DMD: variants seen among roughly 807,000 people sequenced by gnomAD.
The protein encoded by DMD is dystrophin.
A neutral mutation model predicts 330.1 loss-of-function variants in DMD; 63 were observed. That is an observed-to-expected ratio of 0.19 (90% CI 0.16 to 0.24). DMD has a LOEUF of 0.24. DMD is among the 10% of genes least tolerant of loss of function. The probability of loss-of-function intolerance (pLI) is 1.00; values close to 1 mark genes in which losing one functional copy is unlikely to be tolerated. For synonymous variants in DMD, 1,223 were observed against 959.8 expected (o/e 1.27, Z -5.07); for missense variants, 3,344 against 2,684.1 (o/e 1.25, Z -5.43).
In DMD at chrX:31,721,103, A is replaced by G. The variant is rs1216886337; in HGVS notation, c.7660+8528T>C. ...GAAATTCATTAAGATATTAAAGACC[A>G]TTTCTATTATTTAACGTATATTTCC... On this transcript the variant is annotated intron_variant, in intron 52 of 78. Transcript: ENST00000357033. 2.7e-5 allele frequency among the ~76,000 whole-genome samples: 3 copies of G among 111,416 alleles called. No homozygotes were observed. In the Admixed American group the frequency reaches 2.9e-4, roughly 11 times the overall value.
chrX:33,261,774 C>T (rs1351923435), intron 1 of DMD, among the ~76,000 whole-genome samples: 2 of 110,551 alleles, frequency 1.8e-5, no homozygotes, highest in African/African-American at 3.3e-5. Context: ...AGTAGACTAT[C>T]TGAATCTAGG....
intron 2 of DMD, among the ~76,000 whole-genome samples, chrX:32,992,456 T>C (rs2093002028): frequency 9.0e-6 from 1 of 111,671 alleles, no homozygotes; most frequent in African/African-American, 3.3e-5. Context: ...TTTCTAAAGA[T>C]AAATTAAGAT....
At chrX:31,168,031 G>A (rs1471330090) in intron 74 of DMD, among the ~76,000 whole-genome samples, 1 of 112,141 alleles carries the variant, frequency 8.9e-6, no homozygotes, top group Non-Finnish European at 1.9e-5. Flanking sequence ...ATCTAGCAGG[G>A]CTCCATGGGG....
At chrX:33,031,441 T>C (rs977275034) in intron 1 of DMD, among the ~76,000 whole-genome samples, 1 of 111,136 alleles carries the variant, frequency 9.0e-6, no homozygotes, top group Non-Finnish European at 1.9e-5. Flanking sequence ...TGGGCCCACA[T>C]TTCTTGGCTT....
At position 32,722,594 on chromosome X, in the gene DMD, G is replaced by A. The variant is rs377511446; in HGVS notation, c.650-23301C>T. 6.3e-5 allele frequency among the ~76,000 whole-genome samples: 7 copies of A among 110,321 alleles called. No homozygotes were observed. The East Asian group carries it at 1.7e-3, about 27-fold the overall frequency. ...TACTTCTTCCAGTCTACAAACATGG[G>A]ATATTTTCCCATATATTTACCTTTT... is the stretch of plus-strand genomic sequence containing the variant. On this transcript the variant is annotated intron_variant, in intron 7 of 78. Transcript: ENST00000357033.
At chrX:32,020,684 C>T (rs916768020) in intron 44 of DMD, among the ~76,000 whole-genome samples, 10 of 112,013 alleles carry the variant, frequency 8.9e-5, no homozygotes, top group African/African-American at 1.6e-4. Flanking sequence ...GTTCAACTTC[C>T]GGAACTGCAA....
chrX:32,469,396 G>A (rs957982797), intron 22 of DMD, among the ~76,000 whole-genome samples: 64 of 109,631 alleles, frequency 5.8e-4, no homozygotes, highest in African/African-American at 2.1e-3. Context: ...AGAACTACTA[G>A]TACTTTATAT....
chrX:33,119,152 C>T (rs1485526358), intron 1 of DMD, among the ~76,000 whole-genome samples: 1 of 112,307 alleles, frequency 8.9e-6, no homozygotes, highest in African/African-American at 3.2e-5. Flanking sequence ...ATCTTTACTT[C>T]CTTGAACACA....
intron 41 of DMD, 81 bp downstream of exon 41, chrX:32,342,018 TC>T: frequency 1.1e-6 from 1 of 948,737 alleles, no homozygotes; most frequent in Non-Finnish European, 1.4e-6. Context: ...AGATTTTTTG[TC>T]TCTTTTTTTT....
intron 7 of DMD, among the ~76,000 whole-genome samples, chrX:32,702,879 T>G (rs1252306106): frequency 9.0e-6 from 1 of 111,465 alleles, no homozygotes; most frequent in Non-Finnish European, 1.9e-5. Flanking sequence ...ATATAAAGAT[T>G]AATAAACTGA....
chrX:33,107,468 A>T (rs920630935), intron 1 of DMD, among the ~76,000 whole-genome samples: 4 of 111,623 alleles, frequency 3.6e-5, no homozygotes, highest in Non-Finnish European at 7.5e-5. Context: ...GATATGAAAA[A>T]AAAATAGGAT....
At chrX:31,211,610 A>T (rs2044682486) in intron 64 of DMD, among the ~76,000 whole-genome samples, 2 of 112,335 alleles carry the variant, frequency 1.8e-5, no homozygotes, top group South Asian at 7.5e-4. Context: ...AACAGAGAAA[A>T]ACTGCATGCA....
At chrX:32,679,307 A>C (rs1479607457) in intron 9 of DMD, among the ~76,000 whole-genome samples, 3 of 111,340 alleles carry the variant, frequency 2.7e-5, no homozygotes, top group Admixed American at 1.9e-4. Flanking sequence ...AACTAGAAAA[A>C]CAATAGAAAA....
At chrX:31,692,294 A>G (rs1206703771) in intron 52 of DMD, among the ~76,000 whole-genome samples, 1 of 111,218 alleles carries the variant, frequency 9.0e-6, no homozygotes, top group Admixed American at 9.6e-5. Context: ...TTATATCAAT[A>G]AATTCCTACA....
chrX:32,525,946 A>G (rs2046893563), intron 17 of DMD, among the ~76,000 whole-genome samples: 1 of 112,013 alleles, frequency 8.9e-6, no homozygotes, highest in Non-Finnish European at 1.9e-5. Flanking sequence ...TCTTCATAAA[A>G]TTACTCGTTT....
rs986070032 is a variant in DMD, at chrX:31,550,992, C to T, written c.8218-43539G>A. 3.6e-5 allele frequency among the ~76,000 whole-genome samples: 4 copies of T among 111,241 alleles called. No homozygotes were observed. The East Asian group carries it at 8.5e-4, about 24-fold the overall frequency. On this transcript the variant is annotated intron_variant, in intron 55 of 78. Transcript: ENST00000357033. The stretch of plus-strand genomic sequence containing the variant: ...GATCAGGAGTTCTAGACCAGCCTGG[C>T]CAAATGGTGAAACCCCATCTCTACT...
intron 44 of DMD, among the ~76,000 whole-genome samples, chrX:32,196,571 ATTGAG>A (rs2097001439): frequency 8.9e-6 from 1 of 112,128 alleles, no homozygotes; most frequent in Admixed American, 9.5e-5. Context: ...ATATGTGCTG[ATTGAG>A]TTGTCTTCAT....
At chrX:32,832,092 T>C (rs1006626078) in intron 4 of DMD, among the ~76,000 whole-genome samples, 1 of 111,249 alleles carries the variant, frequency 9.0e-6, no homozygotes, top group East Asian at 2.8e-4. Context: ...TTGATATTTG[T>C]CCTAAGAAGG....
chrX:32,789,852 C>T (rs1001936497), intron 7 of DMD, among the ~76,000 whole-genome samples: 1 of 111,937 alleles, frequency 8.9e-6, no homozygotes, highest in Non-Finnish European at 1.9e-5. Context: ...TTAGAAAAAT[C>T]TTTGCAGGGG....
Sources: gnomAD v4.1 joint callset for allele counts (sites outside exome capture counted in the v4.1 genomes callset) on GRCh38, gnomAD v4.1.1 for gene constraint, MANE v1.5 for transcripts, NCBI Gene and HGNC (gene_info 2026-07-23, HGNC 2026-07-21) for gene names.